MMGT1: variants seen among roughly 807,000 people sequenced by gnomAD.
MMGT1 encodes the protein ER membrane protein complex subunit 5.
A neutral mutation model predicts 11.7 loss-of-function variants in MMGT1; 2 were observed. The ratio of observed to expected loss-of-function variants is 0.17; its 90% CI spans 0.07 to 0.54. The LOEUF is 0.54. Among genes scored for constraint, MMGT1 ranks in the 20% least tolerant of loss-of-function variants. The pLI is 0.94. For missense variants in MMGT1, 74 were observed against 109.0 expected (o/e 0.68, Z 1.43); for synonymous variants, 49 against 44.4 (o/e 1.10, Z -0.41).
At chrX:135,969,406 C>T (rs1193830623) in intron 2 of MMGT1, among the ~76,000 whole-genome samples, 1 of 103,483 alleles carries the variant, frequency 9.7e-6, no homozygotes, top group Non-Finnish European at 2.0e-5. Context: ...AGTGCATGAT[C>T]TCGGCTCACT....
intron 1 of MMGT1, among the ~76,000 whole-genome samples, chrX:135,972,247 TAA>T (rs1458377639): frequency 3.6e-5 from 4 of 112,494 alleles, no homozygotes; most frequent in Non-Finnish European, 7.5e-5. Flanking sequence ...ACCCAAAACA[TAA>T]AATACAAAAA....
At chrX:135,968,499 TTGTGTGTGTGTGTG>T (rs61012323) in intron 2 of MMGT1, among the ~76,000 whole-genome samples, 305 of 85,027 alleles carry the variant, frequency 3.6e-3, no homozygotes, top group African/African-American at 0.013. Context: ...CATTATGTCA[TTGTGTGTGTGTGTG>T]TGTGTGTGTG....
chrX:135,967,638 G>A (rs2089193505), intron 2 of MMGT1, 145 bp from the exon 3 acceptor site: 2 of 391,355 alleles, frequency 5.1e-6, no homozygotes, highest in Admixed American at 5.1e-5. Flanking sequence ...AAATGACTGG[G>A]ATTCAGACAC....
chrX:135,964,794 GA>G lies in MMGT1; in HGVS notation c.*229del, dbSNP rs200807276. On this transcript the variant is annotated 3_prime_UTR_variant, in exon 4 of 4. Coordinates refer to ENST00000305963, the MANE Select transcript of MMGT1 (RefSeq NM_173470.3). ...CAAAAGATGTGGATTTGTTTTAAAT[GA>G]AAAAAAAAATAATTCCTATATGAAA... is the stretch of plus-strand genomic sequence containing the variant. The G allele has an allele frequency of 1.8e-3, 453 of 245,448 alleles. No homozygotes were observed. The highest frequency in any genetic ancestry group is 5.7e-3 in the Middle Eastern group (5 of 878). 20.2% of individuals were successfully genotyped at this position (245,448 alleles called of 1,213,427 possible).
chrX:135,967,632 G>C, intron 2 of MMGT1, 139 bp from the exon 3 acceptor site: 1 of 402,335 alleles, frequency 2.5e-6, no homozygotes, highest in Non-Finnish European at 4.3e-6. Context: ...CACTTGAAAT[G>C]ACTGGGATTC....
At chrX:135,969,964 T>A (rs1165981311) in intron 2 of MMGT1, among the ~76,000 whole-genome samples, 2 of 112,046 alleles carry the variant, frequency 1.8e-5, no homozygotes, top group African/African-American at 6.5e-5. Context: ...AGTTTTAGTT[T>A]TTACTGTTTG....
chrX:135,962,483 A>G lies in MMGT1; in HGVS notation c.*2541T>C, dbSNP rs2089161283. On this transcript the variant is annotated 3_prime_UTR_variant, in exon 4 of 4. Coordinates refer to ENST00000305963, the MANE Select transcript of MMGT1 (RefSeq NM_173470.3). ...TCATATTTTTGAACTACCCTAGGCA[A>G]TAATTGACTGTCTCACAGTACTGTA... The G allele has an allele frequency of 8.9e-6, 1 of 112,243 alleles. No individual in the cohort carries two copies. The highest frequency in any genetic ancestry group is 1.9e-5 in the Non-Finnish European group (1 of 53,316). 9.3% of individuals were successfully genotyped at this position (112,243 alleles called of 1,213,427 possible).
In MMGT1 at chrX:135,962,288, TAC is replaced by T. The variant is rs2089160048; in HGVS notation, c.*2734_*2735del. On this transcript the variant is annotated 3_prime_UTR_variant, in exon 4 of 4. Transcript: ENST00000305963. ...GCTTAGAAAACAATCATTAGGGAGT[TAC>T]AGAGAATAATCACCTCCAACTCATT... 9.0e-6 allele frequency: 1 copy of T among 111,508 alleles called. No homozygotes were observed. Among genetic ancestry groups the T allele is most frequent in the Admixed American group, 9.6e-5 (1 of 10,469 alleles). The allele number at this position is 111,508 out of a possible 1,213,427, so 9.2% of individuals were successfully genotyped here.
Position 135,965,061 on chromosome X carries a change from G to T in MMGT1, c.359C>A (p.Ser120Ter). Residue 120 changes from serine (S) to a stop codon, truncating the protein, a stop_gained, in exon 4 of 4, where the codon TCA (serine) becomes TAA (stop). Coordinates refer to ENST00000305963, the MANE Select transcript of MMGT1 (RefSeq NM_173470.3). LOFTEE classifies it high-confidence loss of function. ...SNQDALSSNT[S>*]LKLRKLESLR... ...TGATTCGAGTTTTCGTAACTTCAAT[G>T]ATGTGTTAGAGGACAATGCATCTTG... 8.3e-7 allele frequency: 1 copy of T among 1,209,073 alleles called. No homozygotes were observed.
chrX:135,970,940 G>T, intron 2 of MMGT1, 118 bp downstream of exon 2: 1 of 488,108 alleles, frequency 2.0e-6, no homozygotes, highest in South Asian at 3.1e-5. Flanking sequence ...GAAAAGTGGA[G>T]ATCAGATTTT....
chrX:135,967,125 T>C (rs998119633), intron 3 of MMGT1, among the ~76,000 whole-genome samples: 1 of 111,670 alleles, frequency 9.0e-6, no homozygotes, highest in African/African-American at 3.3e-5. Context: ...TTTTTCTATA[T>C]ATCTATTTTC....
rs782069301 is a variant in MMGT1, at chrX:135,966,642, AG to A, written c.236+747del. The stretch of plus-strand genomic sequence containing the variant: ...AATAAAATGTACATAATGAACTAAA[AG>A]GGGGATATGACTTTCCTCTAACACA... On this transcript the variant is annotated intron_variant, in intron 3 of 3. Transcript: ENST00000305963. Among the ~76,000 whole-genome samples the A allele has an allele frequency of 2.1e-4, 23 of 111,615 alleles. No individual in the cohort carries two copies. In the South Asian group the frequency reaches 6.8e-3, roughly 33 times the overall value.
intron 2 of MMGT1, among the ~76,000 whole-genome samples, chrX:135,970,670 G>A (rs1203587386): frequency 1.8e-5 from 2 of 112,267 alleles, no homozygotes; most frequent in Non-Finnish European, 3.8e-5. Context: ...AGCACTTTGG[G>A]AGGCCAAGGC....
intron 1 of MMGT1, among the ~76,000 whole-genome samples, chrX:135,972,600 C>A (rs1255188065): frequency 8.9e-6 from 1 of 112,115 alleles, no homozygotes. Context: ...AAAGGCCCTT[C>A]TCGCCCCACA....
rs1241809751 is a variant in MMGT1, at chrX:135,963,446, TATC to T, written c.*1575_*1577del. 1.8e-5 allele frequency: 2 copies of T among 112,237 alleles called. No individual in the cohort carries two copies. The highest frequency in any genetic ancestry group is 3.8e-5 in the Non-Finnish European group (2 of 53,267). The allele number at this position is 112,237 out of a possible 1,213,427, so 9.2% of individuals were successfully genotyped here. ...GGAGCTTGTTTCTTGCATGCTATTT[TATC>T]ATCATCACTTTAACCCGATTTCACA... On this transcript the variant is annotated 3_prime_UTR_variant, in exon 4 of 4. Coordinates refer to ENST00000305963, the MANE Select transcript of MMGT1 (RefSeq NM_173470.3).
In MMGT1 at chrX:135,964,945, G is replaced by A. The variant is rs929970012; in HGVS notation, c.*79C>T. On this transcript the variant is annotated 3_prime_UTR_variant, in exon 4 of 4. Coordinates refer to ENST00000305963, the MANE Select transcript of MMGT1 (RefSeq NM_173470.3). The stretch of plus-strand genomic sequence containing the variant: ...AAGATCAATATAAATACTAATGGGG[G>A]CAGGGAGGAGTGTTTTATACCCCAA... 36 of 865,553 alleles carry A rather than the reference G, an allele frequency of 4.2e-5. No homozygotes were observed. In the African/African-American group the frequency reaches 7.0e-4, roughly 17 times the overall value. 71.3% of individuals were successfully genotyped at this position (865,553 alleles called of 1,213,427 possible).
intron 2 of MMGT1, among the ~76,000 whole-genome samples, chrX:135,970,716 T>C (rs1332561891): frequency 1.8e-5 from 2 of 111,963 alleles, no homozygotes; most frequent in African/African-American, 3.3e-5. Flanking sequence ...GAGACCATCG[T>C]GGCTAACACG....
chrX:135,966,738 G>A (rs2089188564), intron 3 of MMGT1, among the ~76,000 whole-genome samples: 1 of 111,811 alleles, frequency 8.9e-6, no homozygotes, highest in South Asian at 3.8e-4. Flanking sequence ...CAAGAAGGTG[G>A]GTAAAGTCCA....
At chrX:135,966,785 G>A (rs1378518876) in intron 3 of MMGT1, among the ~76,000 whole-genome samples, 1 of 110,997 alleles carries the variant, frequency 9.0e-6, no homozygotes, top group Non-Finnish European at 1.9e-5. Flanking sequence ...ATGATTTTAG[G>A]AAAGTAAAAA....
Sources: gnomAD v4.1 joint callset for allele counts (sites outside exome capture counted in the v4.1 genomes callset) on GRCh38, gnomAD v4.1.1 for gene constraint, MANE v1.5 for transcripts, NCBI Gene and HGNC (gene_info 2026-07-23, HGNC 2026-07-21) for gene names.